BRCA2: variants seen among roughly 807,000 people sequenced by gnomAD.
BRCA2 encodes the protein breast cancer type 2 susceptibility protein.
Under a neutral mutation model 276.7 loss-of-function variants are expected in BRCA2, and 203 were observed. The observed-to-expected ratio is 0.73, with a 90% CI of 0.65 to 0.82. The LOEUF (loss-of-function observed/expected upper bound fraction) is 0.82, where lower values mean the gene tolerates loss of function less well. Ranked by LOEUF, BRCA2 falls within the 40% of genes least tolerant of loss-of-function variation. The pLI, the probability that BRCA2 is intolerant of heterozygous loss-of-function variation, is 0.00. For missense variants in BRCA2, 3,920 were observed against 3,915.0 expected (o/e 1.00, Z -0.03); for synonymous variants, 1,289 against 1,338.4 (o/e 0.96, Z 0.81).
At chr13:32,320,055 C>T (rs927558265) in intron 3 of BRCA2, among the ~76,000 whole-genome samples, 3 of 152,140 alleles carry the variant, frequency 2.0e-5, no homozygotes, top group Non-Finnish European at 4.4e-5. Flanking sequence ...TGATAATGTT[C>T]TAGGCAGAGG....
At chr13:32,354,831 A>C (rs763138422) in intron 13 of BRCA2, 30 bp from the exon 14 acceptor site, 1 of 1,426,158 alleles carries the variant, frequency 7.0e-7, no homozygotes, top group African/African-American at 1.4e-5. Flanking sequence ...GTACTAGTCA[A>C]TAAACTTATA....
intron 16 of BRCA2, among the ~76,000 whole-genome samples, chr13:32,360,603 C>G (rs2072731907): frequency 6.6e-6 from 1 of 152,162 alleles, no homozygotes; most frequent in Non-Finnish European, 1.5e-5. Flanking sequence ...CAGGATCCAC[C>G]CTCCTCGGCC....
intron 25 of BRCA2, among the ~76,000 whole-genome samples, chr13:32,396,292 A>G (rs999945642): frequency 7.9e-5 from 12 of 152,130 alleles, no homozygotes; most frequent in African/African-American, 2.2e-4. Flanking sequence ...AGACGTCTTC[A>G]AAGGCAGTTT....
In BRCA2 at chr13:32,340,331, A is replaced by C; in HGVS notation, c.5976A>C (p.Ser1992=). Residue 1992 remains serine, a synonymous_variant, in exon 11 of 27, where the codon TCA becomes TCC. Transcript: ENST00000380152. ...AATCTGTCCAGGTATCAGATGCTTC[A>C]TTACAAAACGCAAGACAAGTGTTTT... The part of the protein sequence containing the change: ...SGKSVQVSDA[S]LQNARQVFSE... The C allele has an allele frequency of 6.2e-7, 1 of 1,614,086 alleles. No individual in the cohort carries two copies.
chr13:32,356,844 C>A lies in BRCA2; in HGVS notation c.7617+235C>A, dbSNP rs11571709. On this transcript the variant is annotated intron_variant, in intron 15 of 26. Transcript: ENST00000380152. ...CAAATTACTACTTCTTTTCCCCCTTCAAATCTTTCTTATTTTGTCATTGTA... is the reference window on the plus strand; with the variant it reads ...CAAATTACTACTTCTTTTCCCCCTTAAAATCTTTCTTATTTTGTCATTGTA... Among the ~76,000 whole-genome samples, 280 of 152,340 alleles carry A rather than the reference C, an allele frequency of 1.8e-3. 1 individual carries two copies. Among genetic ancestry groups the A allele is most frequent in the Middle Eastern group, 0.014 (4 of 294 alleles).
At position 32,356,531 on chromosome 13, in the gene BRCA2, A is replaced by G. The variant is rs1320207809; in HGVS notation, c.7539A>G (p.Ala2513=). 6.2e-7 allele frequency: 1 copy of G among 1,614,126 alleles called. No individual in the cohort carries two copies. Among genetic ancestry groups the G allele is most frequent in the Non-Finnish European group, 8.5e-7 (1 of 1,180,040 alleles). Residue 2513 remains alanine (A), a synonymous_variant, in exon 15 of 27, where the codon GCA becomes GCG. Transcript: ENST00000380152. ...CACAGCCAGGCAGTCTGTATCTTGC[A>G]AAAACATCCACTCTGCCTCGAATCT... The part of the protein sequence containing the change: ...VFPQPGSLYL[A]KTSTLPRISL...
At chr13:32,320,171 G>T (rs1389450879) in intron 3 of BRCA2, among the ~76,000 whole-genome samples, 1 of 152,204 alleles carries the variant, frequency 6.6e-6, no homozygotes, top group African/African-American at 2.4e-5. Flanking sequence ...AGGCAAAAAG[G>T]CAGACTAAAG....
intron 9 of BRCA2, among the ~76,000 whole-genome samples, chr13:32,331,616 G>A (rs562953913): frequency 6.6e-6 from 1 of 152,068 alleles, no homozygotes; most frequent in East Asian, 1.9e-4. Flanking sequence ...TAAATACTGT[G>A]TAAGACAGTA....
rs1057524048 is a variant in BRCA2 at position 32,316,545 on chromosome 13, A to G, written c.67+18A>G. 12 of 1,599,340 alleles carry G rather than the reference A, an allele frequency of 7.5e-6. No homozygotes were observed. The highest frequency in any genetic ancestry group is 1.7e-5 in the Admixed American group (1 of 59,944). ...CAAAGCAGGTATTGACAAATTTTAT[A>G]TAACTTTATAAATTACACCGAGAAA... On this transcript the variant is annotated intron_variant, in intron 2 of 26. Transcript: ENST00000380152.
In BRCA2 at chr13:32,357,719, TTGTG is replaced by T; in HGVS notation, c.7618-17_7618-14del. 1 of 1,601,294 alleles carries T rather than the reference TTGTG, an allele frequency of 6.2e-7. No homozygotes were observed. The highest frequency in any genetic ancestry group is 8.5e-7 in the Non-Finnish European group (1 of 1,171,052). The stretch of plus-strand genomic sequence containing the variant: ...GTTTACTTTAAATTGTTTTTCTTTT[TTGTG>T]TGTGTTTATTTTGTGTAGCTGTATA... On this transcript the variant is annotated intron_variant, in intron 15 of 26. Transcript: ENST00000380152.
intron 24 of BRCA2, chr13:32,385,123 A>T: frequency 4.1e-6 from 1 of 241,374 alleles, no homozygotes. Context: ...ATGTGGAGGG[A>T]AGAATTATGA....
At chr13:32,347,854 T>C (rs1238696588) in intron 13 of BRCA2, among the ~76,000 whole-genome samples, 1 of 152,186 alleles carries the variant, frequency 6.6e-6, no homozygotes, top group Non-Finnish European at 1.5e-5. Context: ...ACTGTTGACA[T>C]GCACAGAGCT....
At chr13:32,319,403 A>AT in intron 3 of BRCA2, 78 bp downstream of exon 3, 1 of 1,395,654 alleles carries the variant, frequency 7.2e-7, no homozygotes, top group Non-Finnish European at 1.0e-6. Flanking sequence ...ATCTTAGCTC[A>AT]TTCATTAATT....
rs397507654 is a variant in BRCA2, at chr13:32,319,312, CA to C, written c.306del (p.Lys102AsnfsTer2). On this transcript the variant is annotated frameshift_variant, in exon 3 of 27. Transcript: ENST00000380152. LOFTEE classifies it high-confidence loss of function. ...CTCCTGTAAAAGAATTAGATAAATT[CA>C]AATTAGACTTAGGTAAGTAATGCAA... ...QSPVKELDKF[K>X]LDLGRNVPNS... 6.2e-7 allele frequency: 1 copy of C among 1,613,242 alleles called. No individual in the cohort carries two copies. Among genetic ancestry groups the C allele is most frequent in the South Asian group, 1.1e-5 (1 of 91,062 alleles).
At chr13:32,366,396 A>G (rs2072782515) in intron 18 of BRCA2, among the ~76,000 whole-genome samples, 1 of 152,224 alleles carries the variant, frequency 6.6e-6, no homozygotes, top group African/African-American at 2.4e-5. Flanking sequence ...GTGAGTAATT[A>G]TATGATTATA....
chr13:32,326,622 A>G lies in BRCA2; in HGVS notation c.631+9A>G, dbSNP rs1403141449. The G allele has an allele frequency of 6.4e-7, 1 of 1,559,724 alleles. No individual in the cohort carries two copies. The highest frequency in any genetic ancestry group is 1.1e-5 in the South Asian group (1 of 89,322). On this transcript the variant is annotated intron_variant, in intron 7 of 26. Coordinates refer to ENST00000380152, the MANE Select transcript of BRCA2 (RefSeq NM_000059.4). ...TTCTACTGTGCTCATAGGTAATAAT[A>G]GCAAATGTGTATTTACAAGAAAGAG... is the stretch of plus-strand genomic sequence containing the variant.
chr13:32,397,447 G>T (rs766702352), intron 26 of BRCA2, among the ~76,000 whole-genome samples: 1 of 152,134 alleles, frequency 6.6e-6, no homozygotes, highest in Admixed American at 6.5e-5. Context: ...CTTGCTAAGG[G>T]TATCTATATT....
In BRCA2 at chr13:32,370,596, T is replaced by C. The variant is rs2137598446; in HGVS notation, c.8487+39T>C. 3.2e-6 allele frequency: 5 copies of C among 1,584,536 alleles called. No homozygotes were observed. Among genetic ancestry groups the C allele is most frequent in the Middle Eastern group, 1.7e-4 (1 of 6,006 alleles). On this transcript the variant is annotated intron_variant, in intron 19 of 26. Coordinates refer to ENST00000380152, the MANE Select transcript of BRCA2 (RefSeq NM_000059.4). ...TTGAAACTTACCATATATTTCTTTC[T>C]TTTGATACAATTAATTTGTTTGTTT...
rs1593930833 is a variant in BRCA2 at position 32,370,916 on chromosome 13, T to C, written c.8488-40T>C. The C allele has an allele frequency of 3.1e-6, 5 of 1,612,288 alleles. No homozygotes were observed. The highest frequency in any genetic ancestry group is 1.1e-5 in the South Asian group (1 of 90,994). On this transcript the variant is annotated intron_variant, in intron 19 of 26. Coordinates refer to ENST00000380152, the MANE Select transcript of BRCA2 (RefSeq NM_000059.4). ...CCTGATACAATTAACTTGAATGTTA[T>C]ATATGTGACTTTTTTGGTGTGTGTA...
Sources: allele counts gnomAD v4.1 joint callset (sites outside exome capture counted in the v4.1 genomes callset), GRCh38; gene constraint gnomAD v4.1.1; transcripts MANE v1.5; gene names NCBI Gene and HGNC (gene_info 2026-07-23, HGNC 2026-07-21).